NCKAP1: variants seen among roughly 807,000 people sequenced by gnomAD.
NCKAP1 encodes the protein NCK associated protein 1, also known as nck-associated protein 1.
In NCKAP1, 21 loss-of-function variants were observed where a neutral mutation model predicts 151.2. The ratio of observed to expected loss-of-function variants is 0.14; its 90% CI spans 0.10 to 0.20. NCKAP1 has a LOEUF of 0.20. Ranked by LOEUF, NCKAP1 falls within the 10% of genes least tolerant of loss-of-function variation. The pLI is 1.00. For missense variants in NCKAP1, 933 were observed against 1,352.1 expected, an observed-to-expected ratio of 0.69 and a Z score of 4.86; for synonymous variants, 484 against 451.8, an observed-to-expected ratio of 1.07 and a Z score of -0.90.
rs1381266751 is a variant in NCKAP1 at position 182,913,427 on chromosome 2, G to A, written c.*12275C>T. On this transcript the variant is annotated 3_prime_UTR_variant, in exon 31 of 31. Coordinates refer to ENST00000361354, the MANE Select transcript of NCKAP1 (RefSeq NM_013436.5). ...TGGATTGATGGGCTATCAAGGGAGT[G>A]GGTTAGTTACCACAAAAGTGAGTCT... 1.3e-5 allele frequency: 2 copies of A among 152,150 alleles called. No individual in the cohort carries two copies. Among genetic ancestry groups the A allele is most frequent in the African/African-American group, 2.4e-5 (1 of 41,390 alleles). The allele number at this position is 152,150 out of a possible 1,614,324, so 9.4% of individuals were successfully genotyped here.
Position 182,952,564 on chromosome 2 carries a change from A to G in NCKAP1, c.2504-62T>C, listed in dbSNP as rs577499515. 2.7e-5 allele frequency: 34 copies of G among 1,265,780 alleles called. No individual in the cohort carries two copies. The African/African-American group carries it at 4.1e-4, about 15-fold the overall frequency. 78.4% of individuals were successfully genotyped at this position (1,265,780 alleles called of 1,614,324 possible). On this transcript the variant is annotated intron_variant, in intron 22 of 30. Transcript: ENST00000361354. ...GAGCAAATACTTTAAGAAAATGAAC[A>G]TTAACACAATACAACATCTCATTAT...
intron 2 of NCKAP1, among the ~76,000 whole-genome samples, chr2:183,021,372 G>A (rs372699581): frequency 2.6e-5 from 4 of 152,202 alleles, no homozygotes; most frequent in African/African-American, 9.6e-5. Flanking sequence ...GGTCAAAGTG[G>A]GAGGACTGCT....
Position 182,915,787 on chromosome 2 carries a change from G to C in NCKAP1, c.*9915C>G, listed in dbSNP as rs1479484948. ...TAGGGGTGAGTCACCAGAATAAAAT[G>C]ATCATTTATTTCAGGACAATGACCT... On this transcript the variant is annotated 3_prime_UTR_variant, in exon 31 of 31. Coordinates refer to ENST00000361354, the MANE Select transcript of NCKAP1 (RefSeq NM_013436.5). The C allele has an allele frequency of 1.3e-5, 2 of 152,128 alleles. No individual in the cohort carries two copies. Among genetic ancestry groups the C allele is most frequent in the Non-Finnish European group, 2.9e-5 (2 of 68,016 alleles). The allele number at this position is 152,128 out of a possible 1,614,324, so 9.4% of individuals were successfully genotyped here. A position where few individuals can be genotyped will look rare whatever the true frequency, so the allele number is the denominator to read the frequency against.
At chr2:183,015,824 T>G (rs918083652) in intron 2 of NCKAP1, among the ~76,000 whole-genome samples, 4 of 151,060 alleles carry the variant, frequency 2.6e-5, no homozygotes, top group African/African-American at 9.7e-5. Context: ...CATTAACAAT[T>G]TTGACAACAT....
At chr2:182,946,116 CATAG>C (rs1187748904) in intron 23 of NCKAP1, among the ~76,000 whole-genome samples, 3 of 152,164 alleles carry the variant, frequency 2.0e-5, no homozygotes, top group Non-Finnish European at 2.9e-5. Context: ...ATCAAGTACA[CATAG>C]ATAGTGCAGT....
chr2:182,985,174 A>G (rs978422896), intron 10 of NCKAP1, among the ~76,000 whole-genome samples: 6 of 152,192 alleles, frequency 3.9e-5, no homozygotes, highest in Non-Finnish European at 7.3e-5. Flanking sequence ...GATGGTTTAA[A>G]TTCCCAATAT....
intron 15 of NCKAP1, among the ~76,000 whole-genome samples, chr2:182,972,656 C>A (rs534355037): frequency 2.8e-4 from 43 of 152,230 alleles, no homozygotes; most frequent in African/African-American, 1.0e-3. Context: ...AGATATGGAA[C>A]CCAACCCAAG....
At position 182,953,105 on chromosome 2, in the gene NCKAP1, T is replaced by C. The variant is rs777740851; in HGVS notation, c.2372+8A>G. On this transcript the variant is annotated splice_region_variant and intron_variant, in intron 21 of 30. Transcript: ENST00000361354. ...CCGCTACTACAAATTTCTAAATGCA[T>C]TCCTTACCAATTTGTGTATAGACTT... 1 of 1,592,550 alleles carries C rather than the reference T, an allele frequency of 6.3e-7. No homozygotes were observed. The highest frequency in any genetic ancestry group is 1.4e-5 in the African/African-American group (1 of 73,914).
At chr2:183,010,502 C>T (rs913600737) in intron 2 of NCKAP1, among the ~76,000 whole-genome samples, 5 of 152,150 alleles carry the variant, frequency 3.3e-5, no homozygotes, top group African/African-American at 7.2e-5. Flanking sequence ...AAGCTGCTGT[C>T]GTTTTAAGCC....
In NCKAP1 at chr2:182,920,626, G is replaced by C. The variant is rs188599236; in HGVS notation, c.*5076C>G. 4.4e-4 allele frequency: 67 copies of C among 152,392 alleles called. No individual in the cohort carries two copies. The highest frequency in any genetic ancestry group is 1.5e-3 in the African/African-American group (63 of 41,570). The allele number at this position is 152,392 out of a possible 1,614,324, so 9.4% of individuals were successfully genotyped here. On this transcript the variant is annotated 3_prime_UTR_variant, in exon 31 of 31. Coordinates refer to ENST00000361354, the MANE Select transcript of NCKAP1 (RefSeq NM_013436.5). ...GTGGAGGGTCTGCTTTCTGGTTCAT[G>C]AACAGTGGCTTCTTGCTTTGTCCTC...
At chr2:182,930,138 C>T (rs964163512) in intron 27 of NCKAP1, among the ~76,000 whole-genome samples, 8 of 151,900 alleles carry the variant, frequency 5.3e-5, no homozygotes, top group African/African-American at 1.9e-4. Flanking sequence ...CTTTGCTTCC[C>T]TTTACAATAG....
At chr2:182,994,140 CTGAAG>C (rs939391431) in intron 8 of NCKAP1, among the ~76,000 whole-genome samples, 53 of 152,266 alleles carry the variant, frequency 3.5e-4, no homozygotes, top group African/African-American at 1.2e-3. Flanking sequence ...ATTTATTAAA[CTGAAG>C]TGAATTAAAA....
intron 21 of NCKAP1, 26 bp from the exon 22 acceptor site, chr2:182,952,949 CG>C: frequency 6.3e-7 from 1 of 1,593,436 alleles, no homozygotes; most frequent in Non-Finnish European, 8.5e-7. Context: ...AACTTATAAC[CG>C]GAAGAAACTG....
intron 1 of NCKAP1, among the ~76,000 whole-genome samples, chr2:183,033,694 T>C (rs1015942093): frequency 2.0e-5 from 3 of 152,206 alleles, no homozygotes; most frequent in African/African-American, 7.2e-5. Flanking sequence ...AAAGATGCAA[T>C]TTTATTACTA....
Position 182,956,552 on chromosome 2 carries a change from G to A in NCKAP1, c.2063C>T (p.Ser688Phe). The change falls in exon 20 of 31, where the codon TCT (serine) becomes TTT (phenylalanine). Residue 688 changes from serine to phenylalanine, a missense_variant. This residue lies in a region of NCKAP1 where 326 missense variants were observed against 557.1 expected (regional missense o/e 0.59). Coordinates refer to ENST00000361354, the MANE Select transcript of NCKAP1 (RefSeq NM_013436.5). ...CACCATGTTTGGTACATAATTTATA[G>A]AGAAGCATAACTCAGAAAGTGCAGT... is the stretch of plus-strand genomic sequence containing the variant. Reference protein sequence around the residue: ...LHTALSELCFSINYVPNMVVW... With the variant: ...LHTALSELCFFINYVPNMVVW... The A allele has an allele frequency of 6.2e-7, 1 of 1,610,078 alleles. No homozygotes were observed. The highest frequency in any genetic ancestry group is 8.5e-7 in the Non-Finnish European group (1 of 1,178,210).
At chr2:182,974,190 T>G (rs1293162960) in intron 15 of NCKAP1, among the ~76,000 whole-genome samples, 3 of 150,200 alleles carry the variant, frequency 2.0e-5, no homozygotes, top group Non-Finnish European at 2.9e-5. Flanking sequence ...CTACTTCTAG[T>G]GAACACTTCT....
chr2:183,015,212 A>G (rs1052964878), intron 2 of NCKAP1, among the ~76,000 whole-genome samples: 1 of 152,206 alleles, frequency 6.6e-6, no homozygotes, highest in Non-Finnish European at 1.5e-5. Context: ...TATAAAAAGG[A>G]TAAGAAAGGA....
At chr2:182,971,750 A>C (rs1474117493) in intron 15 of NCKAP1, among the ~76,000 whole-genome samples, 1 of 152,168 alleles carries the variant, frequency 6.6e-6, no homozygotes, top group Non-Finnish European at 1.5e-5. Context: ...GAACCCAGAA[A>C]TAAATCCACA....
chr2:182,959,478 G>A lies in NCKAP1; in HGVS notation c.1882-1882C>T, dbSNP rs535727848. Among the ~76,000 whole-genome samples, 6 of 152,226 alleles carry A rather than the reference G, an allele frequency of 3.9e-5. 1 individual carries two copies. The highest frequency in any genetic ancestry group is 1.9e-4 in the East Asian group (1 of 5,186). Reference sequence around the variant, plus strand: ...AATCCAGCATATAAACAGAACCAACGACAAAAACCACATGATTATCTCAAC... The same window carrying A: ...AATCCAGCATATAAACAGAACCAACAACAAAAACCACATGATTATCTCAAC... On this transcript the variant is annotated intron_variant, in intron 18 of 30. Transcript: ENST00000361354.
Sources: allele counts gnomAD v4.1 joint callset (sites outside exome capture counted in the v4.1 genomes callset), GRCh38; gene constraint gnomAD v4.1.1; regional missense constraint gnomAD v4.1.1; transcripts MANE v1.5; gene names NCBI Gene and HGNC (gene_info 2026-07-23, HGNC 2026-07-21).